The following PCLO variants were observed in gnomAD, a reference collection of about 807,000 sequenced individuals.
PCLO encodes piccolo presynaptic cytomatrix protein.
PCLO carries 82 observed loss-of-function variants against 427.5 expected under a neutral mutation model. The observed-to-expected ratio is 0.19, with a 90% confidence interval of 0.16 to 0.23. PCLO has a LOEUF of 0.23. PCLO is among the 10% of genes least tolerant of loss of function. The pLI is 1.00. For missense variants in PCLO, 6,239 were observed against 6,115.9 expected, an observed-to-expected ratio of 1.02 and a Z score of -0.67; for synonymous variants, 2,357 against 2,155.4, an observed-to-expected ratio of 1.09 and a Z score of -2.59.
chr7:82,910,796 C>A (rs1794303294), intron 7 of PCLO, among the ~76,000 whole-genome samples: 1 of 152,060 alleles, frequency 6.6e-6, no homozygotes, highest in African/African-American at 2.4e-5. Context: ...AGTGACTGAA[C>A]TTACCAAGAA....
intron 3 of PCLO, among the ~76,000 whole-genome samples, chr7:83,005,924 T>C (rs1451097339): frequency 1.3e-5 from 2 of 151,648 alleles, no homozygotes; most frequent in South Asian, 4.1e-4. Context: ...TGGAGCAATG[T>C]TCTAATTACA....
chr7:82,860,295 G>A (rs1041544881), intron 10 of PCLO, among the ~76,000 whole-genome samples: 1 of 145,570 alleles, frequency 6.9e-6, no homozygotes, highest in African/African-American at 2.5e-5. Context: ...ACTCCCAAAG[G>A]TCAAGGATAA....
In PCLO at chr7:82,906,006, T is replaced by TATAGATAGATAG. The variant is rs35608595; in HGVS notation, c.13437+2859_13437+2870dup. Among the ~76,000 whole-genome samples, 1,130 of 146,728 alleles carry TATAGATAGATAG rather than the reference T, an allele frequency of 7.7e-3. 4 individuals are homozygous for TATAGATAGATAG. The highest frequency in any genetic ancestry group is 0.012 in the East Asian group (58 of 4,822). ...TACCGAAGAAGGCAGAGGTTAAGCA[T>TATAGATAGATAG]ATAGATAGATAGATAGATAGATAGA... On this transcript the variant is annotated intron_variant, in intron 8 of 24. Transcript: ENST00000333891.
intron 3 of PCLO, among the ~76,000 whole-genome samples, chr7:82,979,165 A>C (rs1796091912): frequency 6.6e-6 from 1 of 152,268 alleles, no homozygotes; most frequent in East Asian, 1.9e-4. Context: ...TATAGACTTC[A>C]GAATCCTAAG....
chr7:82,862,075 C>T (rs759097129), intron 10 of PCLO, among the ~76,000 whole-genome samples: 1 of 151,618 alleles, frequency 6.6e-6, no homozygotes, highest in African/African-American at 2.4e-5. Flanking sequence ...CAAACCAAAC[C>T]CCAAATTAGT....
intron 21 of PCLO, among the ~76,000 whole-genome samples, chr7:82,805,086 C>CTTTTTTT (rs111966448): frequency 6.7e-6 from 1 of 149,390 alleles, no homozygotes; most frequent in African/African-American, 2.4e-5. Context: ...TGCAAAATGA[C>CTTTTTTT]TTTTTTTTTA....
intron 3 of PCLO, among the ~76,000 whole-genome samples, chr7:83,032,604 G>A (rs1788699867): frequency 6.6e-6 from 1 of 151,952 alleles, no homozygotes; most frequent in Admixed American, 6.6e-5. Flanking sequence ...ATGCCAGATA[G>A]AATGTTTTTA....
At chr7:82,877,186 A>G (rs17282197) in intron 10 of PCLO, among the ~76,000 whole-genome samples, 24,352 of 152,086 alleles carry the variant, frequency 0.16, 2,469 homozygotes, top group Middle Eastern at 0.21. Flanking sequence ...CCTAGACTAC[A>G]AAGTGCAGAG....
At chr7:82,908,463 T>C (rs1794244250) in intron 8 of PCLO, among the ~76,000 whole-genome samples, 1 of 152,108 alleles carries the variant, frequency 6.6e-6, no homozygotes, top group African/African-American at 2.4e-5. Flanking sequence ...AAGCGTTCTT[T>C]CTATCCCAGC....
intron 22 of PCLO, among the ~76,000 whole-genome samples, chr7:82,765,979 A>G (rs1790524360): frequency 1.3e-5 from 2 of 152,094 alleles, no homozygotes; most frequent in Non-Finnish European, 2.9e-5. Flanking sequence ...CAGAAAACCC[A>G]AAGAAGTGAT....
At chr7:82,878,098 A>G (rs1376445319) in intron 10 of PCLO, among the ~76,000 whole-genome samples, 1 of 152,194 alleles carries the variant, frequency 6.6e-6, no homozygotes, top group African/African-American at 2.4e-5. Context: ...GCCTATTTCC[A>G]CATTGTAAAT....
At chr7:83,046,904 AAAGT>A (rs1486820584) in intron 3 of PCLO, among the ~76,000 whole-genome samples, 2 of 152,038 alleles carry the variant, frequency 1.3e-5, no homozygotes, top group African/African-American at 2.4e-5. Context: ...AAGAATTTTA[AAAGT>A]AAGAAGAAAA....
intron 6 of PCLO, among the ~76,000 whole-genome samples, chr7:82,936,495 T>C (rs535025741): frequency 1.3e-5 from 2 of 148,954 alleles, no homozygotes; most frequent in South Asian, 4.3e-4. Flanking sequence ...CTAGGATAGT[T>C]ATAATAATAT....
chr7:82,983,738 T>G (rs2115792464), intron 3 of PCLO, among the ~76,000 whole-genome samples: 1 of 151,810 alleles, frequency 6.6e-6, no homozygotes, highest in East Asian at 1.9e-4. Flanking sequence ...AAGAAAACGG[T>G]ATTTCTAAGG....
At chr7:82,914,492 C>T in intron 7 of PCLO, 194 bp downstream of exon 7, 1 of 655,816 alleles carries the variant, frequency 1.5e-6, no homozygotes, top group South Asian at 1.7e-5. Context: ...TAAAGTAAAA[C>T]TAAATAAAGA....
chr7:83,160,797 C>T (rs950077861), intron 1 of PCLO, among the ~76,000 whole-genome samples: 2 of 152,128 alleles, frequency 1.3e-5, no homozygotes, highest in South Asian at 4.1e-4. Flanking sequence ...TGGTAACCAG[C>T]ATGATAGACC....
chr7:83,088,955 C>T (rs918858049), intron 3 of PCLO, among the ~76,000 whole-genome samples: 7 of 152,108 alleles, frequency 4.6e-5, no homozygotes, highest in African/African-American at 1.7e-4. Context: ...CACTCCAATT[C>T]CTTCAGGATA....
chr7:82,815,849 T>A (rs1165977785), intron 20 of PCLO, among the ~76,000 whole-genome samples: 1 of 152,126 alleles, frequency 6.6e-6, no homozygotes, highest in Admixed American at 6.6e-5. Flanking sequence ...GTTCAAATTA[T>A]AATTAAATTA....
chr7:83,149,577 A>G lies in PCLO; in HGVS notation c.1893+5171T>C, dbSNP rs570186672. ...AGTCTCTGTGCTAAAAACAGCAAGC[A>G]ACTAAAAAGAGAACATCCTCTTTTC... On this transcript the variant is annotated intron_variant, in intron 2 of 24. Transcript: ENST00000333891. Among the ~76,000 whole-genome samples the G allele has an allele frequency of 2.6e-5, 4 of 152,304 alleles. No individual in the cohort carries two copies. In the South Asian group the frequency reaches 6.2e-4, roughly 24 times the overall value.
Sources: allele counts gnomAD v4.1 joint callset (sites outside exome capture counted in the v4.1 genomes callset), GRCh38; gene constraint gnomAD v4.1.1; transcripts MANE v1.5; gene names NCBI Gene and HGNC (gene_info 2026-07-23, HGNC 2026-07-21).